The following PRRG1 variants were observed in gnomAD, a reference collection of about 807,000 sequenced individuals.
The protein encoded by PRRG1 is transmembrane gamma-carboxyglutamic acid protein 1.
Under a neutral mutation model 11.8 loss-of-function variants are expected in PRRG1, and 5 were observed. That is an observed-to-expected ratio of 0.42 (90% CI 0.22 to 0.89). PRRG1 has a LOEUF of 0.89. Among genes scored for constraint, PRRG1 ranks in the 40% least tolerant of loss-of-function variants. PRRG1 has a pLI of 0.28. For missense variants in PRRG1, 155 were observed against 166.1 expected, an observed-to-expected ratio of 0.93 and a Z score of 0.37; for synonymous variants, 66 against 60.4, an observed-to-expected ratio of 1.09 and a Z score of -0.43.
Position 37,394,224 on chromosome X carries a change from A to G in PRRG1, c.-41-11985A>G, listed in dbSNP as rs138223508. Among the ~76,000 whole-genome samples the G allele has an allele frequency of 5.9e-3, 665 of 112,132 alleles. 7 individuals carry two copies. The highest frequency in any genetic ancestry group is 0.019 in the African/African-American group (597 of 30,891). On this transcript the variant is annotated intron_variant, in intron 1 of 3. Transcript: ENST00000378628. ...TTCTTTGAAGGATGTAGAAGCAGAA[A>G]GATGCAGAGGTGAAACTCCCAGAGG...
intron 3 of PRRG1, among the ~76,000 whole-genome samples, chrX:37,430,722 G>A (rs1472607302): frequency 9.0e-6 from 1 of 111,349 alleles, no homozygotes; most frequent in Non-Finnish European, 1.9e-5. Context: ...TCCCCCAATG[G>A]TTACATCTTA....
At chrX:37,375,650 A>G (rs1556371885) in intron 1 of PRRG1, among the ~76,000 whole-genome samples, 1 of 111,258 alleles carries the variant, frequency 9.0e-6, no homozygotes, top group African/African-American at 3.3e-5. Flanking sequence ...GTATCTCTGG[A>G]TTTAGGTATC....
intron 3 of PRRG1, among the ~76,000 whole-genome samples, chrX:37,437,856 A>T (rs1318803485): frequency 8.9e-6 from 1 of 111,734 alleles, no homozygotes; most frequent in Non-Finnish European, 1.9e-5. Context: ...CTAAAAAAGG[A>T]CAAGAAGCAG....
intron 1 of PRRG1, among the ~76,000 whole-genome samples, chrX:37,355,857 A>G (rs782734880): frequency 9.8e-5 from 11 of 112,404 alleles, no homozygotes; most frequent in African/African-American, 3.5e-4. Context: ...CTACAAGTGT[A>G]TTTTTCTTCA....
chrX:37,420,668 C>CAAAAAAAAAA (rs1302856034), intron 2 of PRRG1, among the ~76,000 whole-genome samples: 4 of 29,450 alleles, frequency 1.4e-4, no homozygotes, highest in African/African-American at 2.9e-4. Context: ...CCCGTCTATG[C>CAAAAAAAAAA]AAAAAAAAAA....
chrX:37,353,761 T>C lies in PRRG1; in HGVS notation c.-42+4366T>C, dbSNP rs1556365345. ...AGCCTAGGAATAATAGGGTATACCA[T>C]ATTGCTTAGGTGTGTAGTAAGCTAT... On this transcript the variant is annotated intron_variant, in intron 1 of 3. Coordinates refer to ENST00000378628, the MANE Select transcript of PRRG1 (RefSeq NM_001142395.2). Among the ~76,000 whole-genome samples the C allele has an allele frequency of 3.6e-5, 4 of 112,631 alleles. No individual in the cohort carries two copies. In the East Asian group the frequency reaches 1.1e-3, roughly 31 times the overall value.
intron 1 of PRRG1, among the ~76,000 whole-genome samples, chrX:37,376,530 T>A (rs1435507529): frequency 1.2e-5 from 1 of 84,982 alleles, no homozygotes; most frequent in Non-Finnish European, 2.3e-5. Context: ...CATGGTTCAG[T>A]GTTTAGTCAG....
intron 3 of PRRG1, among the ~76,000 whole-genome samples, chrX:37,435,595 G>A (rs1287237819): frequency 5.4e-5 from 6 of 110,773 alleles, no homozygotes; most frequent in Non-Finnish European, 1.1e-4. Flanking sequence ...GATATACTGA[G>A]AACAGACATC....
At chrX:37,371,682 A>C (rs1364642597) in intron 1 of PRRG1, among the ~76,000 whole-genome samples, 1 of 113,081 alleles carries the variant, frequency 8.8e-6, no homozygotes, top group Non-Finnish European at 1.9e-5. Context: ...AGCTGCTTGC[A>C]GTACGCCTGG....
At chrX:37,381,396 ACAT>A (rs781956022) in intron 1 of PRRG1, among the ~76,000 whole-genome samples, 11 of 112,229 alleles carry the variant, frequency 9.8e-5, no homozygotes, top group Admixed American at 3.8e-4. Flanking sequence ...GATGTTGAAG[ACAT>A]CATTCATTAC....
At position 37,453,365 on chromosome X, in the gene PRRG1, C is replaced by T. The variant is rs782391292; in HGVS notation, c.401C>T (p.Pro134Leu). The change falls in exon 4 of 4, where the codon CCA (proline) becomes CTA (leucine). Residue 134 changes from proline to leucine, a missense_variant. Pro to Leu is a moderately conservative substitution (Grantham distance 98). Transcript: ENST00000378628. ...CTTAATATTATCACCCCACCCCCCC[C>T]ACCAGATGAAGTGTTTGACAGCAGT... Reference protein sequence around the residue: ...QHLNIITPPPPPDEVFDSSGL... With the variant: ...QHLNIITPPPLPDEVFDSSGL... 103 of 1,206,725 alleles carry T rather than the reference C, an allele frequency of 8.5e-5. No individual in the cohort carries two copies. In the East Asian group the frequency reaches 3.0e-3, roughly 35 times the overall value.
intron 3 of PRRG1, among the ~76,000 whole-genome samples, chrX:37,430,862 C>T (rs189278679): frequency 9.0e-6 from 1 of 111,496 alleles, no homozygotes; most frequent in East Asian, 2.8e-4. Context: ...ATTTCATTAC[C>T]ACAAAGTTTT....
In PRRG1 at chrX:37,431,997, G is replaced by A. The variant is rs782579785; in HGVS notation, c.171+5997G>A. 1.0e-4 allele frequency among the ~76,000 whole-genome samples: 11 copies of A among 109,198 alleles called. No homozygotes were observed. In the East Asian group the frequency reaches 2.9e-3, roughly 28 times the overall value. The allele number at this position is 109,198 out of a possible 115,157, so 94.8% of individuals were successfully genotyped here. On this transcript the variant is annotated intron_variant, in intron 3 of 3. Transcript: ENST00000378628. Reference sequence around the variant, plus strand: ...TCACCATGTTGCCCAGGCTGGTCTCGAAATCCTGAGCTCAGGCAATCCACC... The same window carrying A: ...TCACCATGTTGCCCAGGCTGGTCTCAAAATCCTGAGCTCAGGCAATCCACC...
chrX:37,453,699 A>C lies in PRRG1; in HGVS notation c.*78A>C. The C allele has an allele frequency of 1.0e-6, 1 of 958,326 alleles. No homozygotes were observed. The allele number at this position is 958,326 out of a possible 1,213,427, so 79.0% of individuals were successfully genotyped here. On this transcript the variant is annotated 3_prime_UTR_variant, in exon 4 of 4. Transcript: ENST00000378628. ...TTTCTAGCACTTTACCACTACATAA[A>C]TGTTCATTGACTTATTTTATTGGAC...
intron 2 of PRRG1, among the ~76,000 whole-genome samples, chrX:37,414,899 A>G (rs1230428601): frequency 1.8e-5 from 2 of 112,324 alleles, no homozygotes; most frequent in African/African-American, 6.5e-5. Flanking sequence ...TATTTCATGG[A>G]TTTGAAGTAT....
intron 2 of PRRG1, among the ~76,000 whole-genome samples, chrX:37,425,290 A>G (rs781838712): frequency 5.4e-5 from 6 of 111,818 alleles, no homozygotes; most frequent in Admixed American, 3.8e-4. Flanking sequence ...ACTCAAGTAC[A>G]TTTAGAACAA....
chrX:37,363,988 C>T (rs965223496), intron 1 of PRRG1, among the ~76,000 whole-genome samples: 4 of 111,556 alleles, frequency 3.6e-5, no homozygotes, highest in African/African-American at 1.3e-4. Flanking sequence ...TAACACCCCA[C>T]CTATATGTCT....
chrX:37,369,144 A>T (rs1182636758), intron 1 of PRRG1, among the ~76,000 whole-genome samples: 1 of 112,267 alleles, frequency 8.9e-6, no homozygotes, highest in Admixed American at 9.4e-5. Context: ...TTCATTTCTG[A>T]GTATCCCAAT....
At position 37,456,879 on chromosome X, in the gene PRRG1, C is replaced by T. The variant is rs1430913807; in HGVS notation, c.*3258C>T. On this transcript the variant is annotated 3_prime_UTR_variant, in exon 4 of 4. Transcript: ENST00000378628. ...GTTTGCATTTAAATAAAAGAACAGGCTCAGTGGTCTTCCTGTAGAATGGTT... is the reference window on the plus strand; with the variant it reads ...GTTTGCATTTAAATAAAAGAACAGGTTCAGTGGTCTTCCTGTAGAATGGTT... 8.9e-6 allele frequency: 1 copy of T among 112,214 alleles called. No individual in the cohort carries two copies. The highest frequency in any genetic ancestry group is 1.9e-5 in the Non-Finnish European group (1 of 53,208). 9.2% of individuals were successfully genotyped at this position (112,214 alleles called of 1,213,427 possible).
Sources: gnomAD v4.1 joint callset for allele counts (sites outside exome capture counted in the v4.1 genomes callset) on GRCh38, gnomAD v4.1.1 for gene constraint, MANE v1.5 for transcripts, NCBI Gene and HGNC (gene_info 2026-07-23, HGNC 2026-07-21) for gene names.